The following PDGFB variants were observed in gnomAD, a reference collection of about 807,000 sequenced individuals.
The protein encoded by PDGFB is platelet-derived growth factor subunit B.
A neutral mutation model predicts 29.0 loss-of-function variants in PDGFB; 6 were observed. The ratio of observed to expected loss-of-function variants is 0.21; its 90% confidence interval spans 0.11 to 0.41. The LOEUF (loss-of-function observed/expected upper bound fraction) is 0.41, where lower values mean the gene tolerates loss of function less well. Ranked by LOEUF, PDGFB falls within the 10% of genes least tolerant of loss-of-function variation. PDGFB has a pLI of 1.00. For missense variants in PDGFB, 299 were observed against 341.8 expected (o/e 0.87, Z 0.99); for synonymous variants, 144 against 140.8 (o/e 1.02, Z -0.16).
Position 39,233,513 on chromosome 22 carries a change from C to T in PDGFB, c.172G>A (p.Ala58Thr). The change falls in exon 3 of 7, where the codon GCC becomes ACC. Residue 58 changes from alanine (A) to threonine (T), a missense_variant. Ala to Thr is a moderately conservative substitution (Grantham distance 58). Coordinates refer to ENST00000331163, the MANE Select transcript of PDGFB (RefSeq NM_002608.4). The part of the protein sequence containing the change: ...LHGDPGEEDG[A>T]ELDLNMTRSH... Reference sequence around the variant, plus strand: ...CGGGTCATGTTCAGGTCCAACTCGGCCCCATCTTCCTCTGCAGGAGAAGTC... The same window carrying T: ...CGGGTCATGTTCAGGTCCAACTCGGTCCCATCTTCCTCTGCAGGAGAAGTC... 2 of 1,587,860 alleles carry T rather than the reference C, an allele frequency of 1.3e-6. No homozygotes were observed. Among genetic ancestry groups the T allele is most frequent in the Non-Finnish European group, 1.7e-6 (2 of 1,168,892 alleles).
In PDGFB at chr22:39,227,779, C is replaced by T. The variant is rs527956883; in HGVS notation, c.602-1932G>A. Among the ~76,000 whole-genome samples, 7 of 152,340 alleles carry T rather than the reference C, an allele frequency of 4.6e-5. No homozygotes were observed. In the East Asian group the frequency reaches 1.4e-3, roughly 29 times the overall value. ...TGCTGAGCTCAAGGCCAGCCATTTC[C>T]TGGGAGCCTTTTGAGCTCTCCCAGC... On this transcript the variant is annotated intron_variant, in intron 5 of 6. Transcript: ENST00000331163.
At position 39,231,598 on chromosome 22, in the gene PDGFB, C is replaced by CG. The variant is rs1296292078; in HGVS notation, c.456+23dup. ...CTCCACCCACCACCGGGACCAGCCT[C>CG]GGGGGGCCGCGGAGCCTACGCACCT... On this transcript the variant is annotated intron_variant, in intron 4 of 6. Transcript: ENST00000331163. The surrounding 1 kb of genome is among the most constrained non-coding windows in gnomAD (Gnocchi z 4.3). 10 of 1,515,420 alleles carry CG rather than the reference C, an allele frequency of 6.6e-6. No individual in the cohort carries two copies. The highest frequency in any genetic ancestry group is 3.7e-5 in the South Asian group (3 of 81,386). 93.9% of individuals were successfully genotyped at this position (1,515,420 alleles called of 1,614,324 possible). A position where few individuals can be genotyped will look rare whatever the true frequency, so the allele number is the denominator to read the frequency against.
At chr22:39,241,021 C>A in intron 1 of PDGFB, 3 of 854,620 alleles carry the variant, frequency 3.5e-6, no homozygotes, top group Non-Finnish European at 5.8e-6. Context: ...ACCTCCAGGG[C>A]TCTGGGATTC....
chr22:39,243,382 C>G lies in PDGFB; in HGVS notation c.63+519G>C, dbSNP rs1024534769. Among the ~76,000 whole-genome samples, 1 of 152,036 alleles carries G rather than the reference C, an allele frequency of 6.6e-6. No homozygotes were observed. Among genetic ancestry groups the G allele is most frequent in the Non-Finnish European group, 1.5e-5 (1 of 67,934 alleles). ...GGGGCCGGGCATGCCCTGCGCGTGCCGGAGGGCGTCCACCCGGACCCCGAC... is the reference window on the plus strand; with the variant it reads ...GGGGCCGGGCATGCCCTGCGCGTGCGGGAGGGCGTCCACCCGGACCCCGAC... On this transcript the variant is annotated intron_variant, in intron 1 of 6. Coordinates refer to ENST00000331163, the MANE Select transcript of PDGFB (RefSeq NM_002608.4). This position sits in a 1 kb window ranked among gnomAD's most constrained non-coding sequence, Gnocchi z 6.4.
intron 2 of PDGFB, among the ~76,000 whole-genome samples, chr22:39,235,309 T>C (rs555632145): frequency 6.6e-6 from 1 of 152,292 alleles, no homozygotes; most frequent in South Asian, 2.1e-4. Context: ...GCCACGTGTG[T>C]GCCACCGAGC....
rs1019421141 is a variant in PDGFB at position 39,229,087 on chromosome 22, T to C, written c.601+997A>G. Among the ~76,000 whole-genome samples the C allele has an allele frequency of 2.6e-4, 39 of 152,070 alleles. 1 individual carries two copies. The highest frequency in any genetic ancestry group is 9.2e-4 in the African/African-American group (38 of 41,416). ...GGCTCCGTCTTCAGGGTCTTGTTAA[T>C]AAGAAATGAGAATGAAAAGATTGTC... On this transcript the variant is annotated intron_variant, in intron 5 of 6. Coordinates refer to ENST00000331163, the MANE Select transcript of PDGFB (RefSeq NM_002608.4).
chr22:39,240,703 G>T, intron 1 of PDGFB: 2 of 852,010 alleles, frequency 2.3e-6, no homozygotes, highest in Non-Finnish European at 2.0e-6. Context: ...TTCTAAAAGT[G>T]GGGACCAGGA....
rs1420357901 is a variant in PDGFB, at chr22:39,242,790, C to T, written c.63+1111G>A. On this transcript the variant is annotated intron_variant, in intron 1 of 6. Coordinates refer to ENST00000331163, the MANE Select transcript of PDGFB (RefSeq NM_002608.4). The surrounding 1 kb of genome is among the most constrained non-coding windows in gnomAD (Gnocchi z 5.7). ...GCAGGGGCCGACCCTCCCCGGGAGCCGGCGAGGTGCGGGCGAGGTGCGGAC... is the reference window on the plus strand; with the variant it reads ...GCAGGGGCCGACCCTCCCCGGGAGCTGGCGAGGTGCGGGCGAGGTGCGGAC... The T allele has an allele frequency of 8.7e-6, 2 of 230,908 alleles. No individual in the cohort carries two copies. The highest frequency in any genetic ancestry group is 1.7e-5 in the Non-Finnish European group (2 of 116,578). The allele number at this position is 230,908 out of a possible 1,614,324, so 14.3% of individuals were successfully genotyped here. A position where few individuals can be genotyped will look rare whatever the true frequency, so the allele number is the denominator to read the frequency against.
chr22:39,244,243 CG>C lies in PDGFB; in HGVS notation c.-281del. 4.2e-6 allele frequency: 1 copy of C among 239,778 alleles called. No homozygotes were observed. Among genetic ancestry groups the C allele is most frequent in the African/African-American group, 2.3e-5 (1 of 44,420 alleles). The allele number at this position is 239,778 out of a possible 1,614,324, so 14.9% of individuals were successfully genotyped here. A position where few individuals can be genotyped will look rare whatever the true frequency, so the allele number is the denominator to read the frequency against. ...CCGAGCCCGAGTGAGCATCCACGGC[CG>C]GGGGGCTGCGTCGCGAACCAGCCGA... On this transcript the variant is annotated 5_prime_UTR_variant, in exon 1 of 7. Transcript: ENST00000331163. The surrounding 1 kb of genome is among the most constrained non-coding windows in gnomAD (Gnocchi z 4.5).
intron 1 of PDGFB, among the ~76,000 whole-genome samples, chr22:39,237,619 G>T (rs1382131771): frequency 6.6e-6 from 1 of 152,130 alleles, no homozygotes; most frequent in Non-Finnish European, 1.5e-5. Context: ...CCACGCCTCC[G>T]GTGCTCTCCA....
rs1932295119 is a variant in PDGFB at position 39,231,232 on chromosome 22, C to T, written c.456+390G>A. On this transcript the variant is annotated intron_variant, in intron 4 of 6. Coordinates refer to ENST00000331163, the MANE Select transcript of PDGFB (RefSeq NM_002608.4). This position sits in a 1 kb window ranked among gnomAD's most constrained non-coding sequence, Gnocchi z 4.3. ...TGAATAGGGAGAGCTTTGGGGGAAC[C>T]TGAGTAGCTCCCCAAAACATTCTGA... Among the ~76,000 whole-genome samples the T allele has an allele frequency of 6.6e-6, 1 of 152,254 alleles. No homozygotes were observed. The highest frequency in any genetic ancestry group is 1.5e-5 in the Non-Finnish European group (1 of 68,040).
At position 39,224,377 on chromosome 22, in the gene PDGFB, C is replaced by A. The variant is rs1282554335; in HGVS notation, c.*965G>T. On this transcript the variant is annotated 3_prime_UTR_variant, in exon 7 of 7. Coordinates refer to ENST00000331163, the MANE Select transcript of PDGFB (RefSeq NM_002608.4). ...ACCCTGCACAACCTTACATGGCAGT[C>A]GTGGCTGGGTTGGAATATGATGAGC... is the stretch of plus-strand genomic sequence containing the variant. 6.6e-6 allele frequency: 1 copy of A among 152,406 alleles called. No homozygotes were observed. Among genetic ancestry groups the A allele is most frequent in the Non-Finnish European group, 1.5e-5 (1 of 68,080 alleles). The allele number at this position is 152,406 out of a possible 1,614,324, so 9.4% of individuals were successfully genotyped here.
chr22:39,225,872 G>A lies in PDGFB; in HGVS notation c.602-25C>T, dbSNP rs371605422. 1.1e-5 allele frequency: 18 copies of A among 1,603,466 alleles called. No individual in the cohort carries two copies. In the East Asian group the frequency reaches 2.0e-4, roughly 18 times the overall value. ...GCTGCACAAGAAAAAGAAAGACCTC[G>A]TCAGCATGTGGACCATTGGGGAGGT... On this transcript the variant is annotated intron_variant, in intron 5 of 6. Transcript: ENST00000331163.
At chr22:39,240,967 T>A in intron 1 of PDGFB, 1 of 1,353,096 alleles carries the variant, frequency 7.4e-7, no homozygotes, top group Non-Finnish European at 1.1e-6. Flanking sequence ...TCTTCCTGGC[T>A]CTTGCACCAG....
At chr22:39,234,478 C>T (rs1932392177) in intron 2 of PDGFB, among the ~76,000 whole-genome samples, 1 of 152,246 alleles carries the variant, frequency 6.6e-6, no homozygotes, top group African/African-American at 2.4e-5. Flanking sequence ...CTGCCACCTC[C>T]ACACAGCACC....
At chr22:39,233,306 T>G in intron 3 of PDGFB, 129 bp downstream of exon 3, 1 of 636,498 alleles carries the variant, frequency 1.6e-6, no homozygotes, top group South Asian at 1.9e-5. Context: ...GTTCGCTCAG[T>G]CCTGAATGTG....
intron 1 of PDGFB, 121 bp from the exon 2 acceptor site, chr22:39,235,995 C>T (rs575737982): frequency 3.6e-5 from 25 of 696,860 alleles, no homozygotes; most frequent in East Asian, 1.9e-4. Flanking sequence ...CACAGGGAGA[C>T]GGACAGGCAG....
In PDGFB at chr22:39,225,770, T is replaced by C. The variant is rs1795933713; in HGVS notation, c.679A>G (p.Lys227Glu). The change falls in exon 6 of 7, where the codon AAG becomes GAG. Residue 227 changes from lysine to glutamate, a missense_variant. Physicochemically the swap from Lys to Glu is moderately conservative, Grantham distance 56. Transcript: ENST00000331163. ...AGTGCCGTCTTGTCATGCGTGTGCT[T>C]GAATTTCCGGTGCTTGCCCTTGGGG... ...RPPKGKHRKF[K>E]HTHDKTALKE... The C allele has an allele frequency of 6.2e-7, 1 of 1,614,126 alleles. No homozygotes were observed.
At position 39,230,226 on chromosome 22, in the gene PDGFB, C is replaced by T. The variant is rs1453100419; in HGVS notation, c.459G>A (p.Val153=). The T allele has an allele frequency of 1.9e-6, 3 of 1,613,768 alleles. No homozygotes were observed. Among genetic ancestry groups the T allele is most frequent in the Admixed American group, 3.3e-5 (2 of 60,034 alleles). The change falls in exon 5 of 7, where the codon GTG becomes GTA. Residue 153 remains valine, a splice_region_variant and synonymous_variant. Transcript: ENST00000331163. ...TCTTCCGCACAATCTCGATCTTTCT[C>T]ACCTGGAGGACAGAGCCACAAAATG... The part of the protein sequence containing the change: ...PTQVQLRPVQ[V]RKIEIVRKKP...
Sources: gnomAD v4.1 joint callset for allele counts (sites outside exome capture counted in the v4.1 genomes callset) on GRCh38, gnomAD v4.1.1 for gene constraint, Gnocchi (gnomAD v3.1) non-coding constraint, MANE v1.5 for transcripts, NCBI Gene and HGNC (gene_info 2026-07-23, HGNC 2026-07-21) for gene names.